Variants in SFTPA1 observed in about 807,000 individuals in gnomAD.
The protein encoded by SFTPA1 is pulmonary surfactant-associated protein A1.
SFTPA1 carries 13 observed loss-of-function variants against 19.1 expected under a neutral mutation model. The observed-to-expected ratio is 0.68, with a 90% CI of 0.44 to 1.08. The LOEUF is 1.08. Among genes scored for constraint, SFTPA1 ranks in the 50% least tolerant of loss-of-function variants. The probability of loss-of-function intolerance (pLI) is 0.00; values close to 1 mark genes in which losing one functional copy is unlikely to be tolerated. For synonymous variants in SFTPA1, 101 were observed against 117.0 expected (o/e 0.86, Z 0.88); for missense variants, 259 against 316.4 (o/e 0.82, Z 1.38).
Position 79,613,185 on chromosome 10 carries a change from A to G in SFTPA1, c.293-4A>G, listed in dbSNP as rs775948088. ...CCTCCTTCTGTGTGGGGCACTCTCC[A>G]CAGGGCTTCCAGCTCATCTAGATGA... On this transcript the variant is annotated splice_region_variant and splice_polypyrimidine_tract_variant and intron_variant, in intron 4 of 5. Coordinates refer to ENST00000398636, the MANE Select transcript of SFTPA1 (RefSeq NM_005411.5). The G allele has an allele frequency of 1.9e-5, 31 of 1,613,932 alleles. No homozygotes were observed. The highest frequency in any genetic ancestry group is 2.5e-5 in the Non-Finnish European group (30 of 1,179,992).
In SFTPA1 at chr10:79,613,995, A is replaced by G. The variant is rs772993629; in HGVS notation, c.629A>G (p.Asn210Ser). 1 of 1,614,082 alleles carries G rather than the reference A, an allele frequency of 6.2e-7. No individual in the cohort carries two copies. Among genetic ancestry groups the G allele is most frequent in the African/African-American group, 1.3e-5 (1 of 74,936 alleles). The change falls in exon 6 of 6, where the codon AAC (asparagine) becomes AGC (serine). Residue 210 changes from asparagine to serine, a missense_variant. By Grantham distance (46) the Asn-to-Ser change is conservative (BLOSUM62 1). Transcript: ENST00000398636. Reference sequence around the variant, plus strand: ...GACGGGACCCCTGTAAACTACACCAACTGGTACCGAGGGGAGCCCGCAGGT... The same window carrying G: ...GACGGGACCCCTGTAAACTACACCAGCTGGTACCGAGGGGAGCCCGCAGGT... ...YSDGTPVNYT[N>S]WYRGEPAGRG...
chr10:79,614,760 A>C lies in SFTPA1; in HGVS notation c.*647A>C. On this transcript the variant is annotated 3_prime_UTR_variant, in exon 6 of 6. Coordinates refer to ENST00000398636, the MANE Select transcript of SFTPA1 (RefSeq NM_005411.5). ...TCACTCCTTTGAGTCTTTGAATGGC[A>C]ACTCAGCCCCCTGACCTGAAGACAG... The C allele has an allele frequency of 3.0e-6, 1 of 334,518 alleles. No individual in the cohort carries two copies. The highest frequency in any genetic ancestry group is 2.7e-5 in the South Asian group (1 of 36,484). 20.7% of individuals were successfully genotyped at this position (334,518 alleles called of 1,614,324 possible).
chr10:79,615,387 C>G lies in SFTPA1; in HGVS notation c.*1274C>G, dbSNP rs1860100749. ...CCTGAAGCTTATGCTTCCAGCCACC[C>G]CACTCCTGAGCTGAATAAAGATGAT... On this transcript the variant is annotated 3_prime_UTR_variant, in exon 6 of 6. Coordinates refer to ENST00000398636, the MANE Select transcript of SFTPA1 (RefSeq NM_005411.5). 5.0e-6 allele frequency: 1 copy of G among 200,894 alleles called. No homozygotes were observed. The highest frequency in any genetic ancestry group is 1.1e-5 in the Non-Finnish European group (1 of 93,610). 12.4% of individuals were successfully genotyped at this position (200,894 alleles called of 1,614,324 possible).
Position 79,611,885 on chromosome 10 carries a change from C to G in SFTPA1, c.60C>G (p.Cys20Trp), listed in dbSNP as rs768037940. ...LILMAASGAV[C>W]EVKDVCVGSP... ...TGATGGCAGCCTCTGGTGCTGTGTG[C>G]GAAGTGAAGGACGTTTGTGTTGGAA... The change falls in exon 3 of 6, where the codon TGC becomes TGG. Residue 20 changes from cysteine (C) to tryptophan (W), a missense_variant. Cys to Trp is a radical substitution (Grantham distance 215, BLOSUM62 -2). Coordinates refer to ENST00000398636, the MANE Select transcript of SFTPA1 (RefSeq NM_005411.5). The G allele has an allele frequency of 5.0e-6, 8 of 1,613,974 alleles. No individual in the cohort carries two copies. Among genetic ancestry groups the G allele is most frequent in the East Asian group, 2.2e-5 (1 of 44,882 alleles).
chr10:79,611,612 C>T (rs1262308447), intron 2 of SFTPA1, 191 bp from the exon 3 acceptor site: 1 of 1,551,194 alleles, frequency 6.4e-7, no homozygotes, highest in East Asian at 2.4e-5. Flanking sequence ...CAGCCGGAGG[C>T]CTGAAGCATG....
In SFTPA1 at chr10:79,612,298, T is replaced by C. The variant is rs920669931; in HGVS notation, c.173-14T>C. On this transcript the variant is annotated splice_polypyrimidine_tract_variant and intron_variant, in intron 3 of 5. Transcript: ENST00000398636. ...GTGACAGATCCTACACATCCATGTC[T>C]CTTTTCTCTGCAGGCCCCATGGGTC... 10 of 1,613,750 alleles carry C rather than the reference T, an allele frequency of 6.2e-6. No individual in the cohort carries two copies. Among genetic ancestry groups the C allele is most frequent in the East Asian group, 4.5e-5 (2 of 44,866 alleles).
chr10:79,611,124 G>C (rs761557336), intron 1 of SFTPA1, 142 bp downstream of exon 1: 6 of 157,622 alleles, frequency 3.8e-5, no homozygotes, highest in Non-Finnish European at 5.6e-5. Flanking sequence ...GTGTTTCACA[G>C]CACAGTCAAC....
Position 79,614,877 on chromosome 10 carries a change from T to C in SFTPA1, c.*764T>C. ...GAACAAATCTGCACCCTACTTCAGA[T>C]TTCAGTGGGCATTCACACCACCCCC... On this transcript the variant is annotated 3_prime_UTR_variant, in exon 6 of 6. Coordinates refer to ENST00000398636, the MANE Select transcript of SFTPA1 (RefSeq NM_005411.5). 1.3e-6 allele frequency: 1 copy of C among 765,656 alleles called. No individual in the cohort carries two copies. The highest frequency in any genetic ancestry group is 1.9e-6 in the Non-Finnish European group (1 of 528,048). 47.4% of individuals were successfully genotyped at this position (765,656 alleles called of 1,614,324 possible).
In SFTPA1 at chr10:79,613,037, T is replaced by C. The variant is rs1406175152; in HGVS notation, c.293-152T>C. ...CACGGGGTGTGGAGACACACTGGAA[T>C]CTTGTGGACCCTCTGAGCCTAGGGT... On this transcript the variant is annotated intron_variant, in intron 4 of 5. Coordinates refer to ENST00000398636, the MANE Select transcript of SFTPA1 (RefSeq NM_005411.5). 5.3e-6 allele frequency: 8 copies of C among 1,504,078 alleles called. No homozygotes were observed. In the Admixed American group the frequency reaches 1.9e-4, roughly 36 times the overall value. The allele number at this position is 1,504,078 out of a possible 1,614,324, so 93.2% of individuals were successfully genotyped here.
rs757059040 is a variant in SFTPA1 at position 79,611,770 on chromosome 10, T to G, written c.-23-33T>G. On this transcript the variant is annotated intron_variant, in intron 2 of 5. Transcript: ENST00000398636. ...ACAGTGGGGGAGATGTTGGCAGAGG[T>G]GGCAGATGGGCTCACGGCCATCCCT... The G allele has an allele frequency of 3.7e-6, 6 of 1,613,676 alleles. No individual in the cohort carries two copies. In the Middle Eastern group the frequency reaches 5.0e-4, roughly 136 times the overall value.
In SFTPA1 at chr10:79,614,144, G is replaced by C. The variant is rs370875802; in HGVS notation, c.*31G>C. ...ATTTAGGCCATGGGACAGGGAGGACGCTCTCTGGCCTTCGGCCTCCATCCT... is the reference window on the plus strand; with the variant it reads ...ATTTAGGCCATGGGACAGGGAGGACCCTCTCTGGCCTTCGGCCTCCATCCT... On this transcript the variant is annotated 3_prime_UTR_variant, in exon 6 of 6. Coordinates refer to ENST00000398636, the MANE Select transcript of SFTPA1 (RefSeq NM_005411.5). 500 of 1,614,202 alleles carry C rather than the reference G, an allele frequency of 3.1e-4. 2 individuals are homozygous for C. In the African/African-American group the frequency reaches 5.7e-3, roughly 18 times the overall value.
In SFTPA1 at chr10:79,614,014, C is replaced by T. The variant is rs10351; in HGVS notation, c.648C>T (p.Pro216=). The T allele has an allele frequency of 5.8e-4, 934 of 1,613,328 alleles. 9 individuals carry two copies. The African/African-American group carries it at 7.0e-3, about 12-fold the overall frequency. ...ACACCAACTGGTACCGAGGGGAGCC[C>T]GCAGGTCGGGGAAAAGAGCAGTGTG... ...VNYTNWYRGE[P]AGRGKEQCVE... Residue 216 remains proline (P), a synonymous_variant, in exon 6 of 6, where the codon CCC becomes CCT. Coordinates refer to ENST00000398636, the MANE Select transcript of SFTPA1 (RefSeq NM_005411.5).
intron 3 of SFTPA1, 45 bp from the exon 4 acceptor site, chr10:79,612,267 T>C: frequency 6.2e-7 from 1 of 1,613,686 alleles, no homozygotes; most frequent in Non-Finnish European, 8.5e-7. Context: ...CTCCAACCAG[T>C]TGTGGGTGAC....
Position 79,612,326 on chromosome 10 carries a change from C to T in SFTPA1, c.187C>T (p.Pro63Ser). 1 of 1,613,840 alleles carries T rather than the reference C, an allele frequency of 6.2e-7. No homozygotes were observed. The highest frequency in any genetic ancestry group is 1.1e-5 in the South Asian group (1 of 91,074). ...DPGPPGPMGP[P>S]GEMPCPPGND... is the part of the protein sequence containing the mutation. ...TTTCTCTGCAGGCCCCATGGGTCCA[C>T]CTGGAGAAATGCCATGTCCTCCTGG... Residue 63 changes from proline (P) to serine (S), a missense_variant, in exon 4 of 6, where the codon CCT (proline) becomes TCT (serine). Physicochemically the swap from Pro to Ser is moderately conservative, Grantham distance 74. Transcript: ENST00000398636.
chr10:79,612,291 C>A, intron 3 of SFTPA1, 21 bp from the exon 4 acceptor site: 2 of 1,613,868 alleles, frequency 1.2e-6, no homozygotes, highest in East Asian at 2.2e-5. Context: ...TCCTACACAT[C>A]CATGTCTCTT....
At chr10:79,612,981 AG>A (rs1224101952) in intron 4 of SFTPA1, among the ~76,000 whole-genome samples, 2 of 151,892 alleles carry the variant, frequency 1.3e-5, no homozygotes, top group African/African-American at 4.8e-5. Flanking sequence ...GGGTCTCAGC[AG>A]GGGCAAGGCT....
chr10:79,613,909 C>T lies in SFTPA1; in HGVS notation c.543C>T (p.Tyr181=). The change falls in exon 6 of 6, where the codon TAC becomes TAT. Residue 181 remains tyrosine, a synonymous_variant. Coordinates refer to ENST00000398636, the MANE Select transcript of SFTPA1 (RefSeq NM_005411.5). ...NEAIASFVKK[Y]NTYAYVGLTE... is the part of the protein sequence containing the mutation. ...CCATTGCAAGCTTCGTGAAGAAGTA[C>T]AACACATATGCCTATGTAGGCCTGA... 1 of 1,613,992 alleles carries T rather than the reference C, an allele frequency of 6.2e-7. No homozygotes were observed. Among genetic ancestry groups the T allele is most frequent in the Middle Eastern group, 1.7e-4 (1 of 6,056 alleles).
rs771092097 is a variant in SFTPA1 at position 79,614,405 on chromosome 10, G to C, written c.*292G>C. On this transcript the variant is annotated 3_prime_UTR_variant, in exon 6 of 6. Transcript: ENST00000398636. ...ATGGAGCCCTCCTTATTCCCCATCT[G>C]GTCCAGTTCCTTCACTTACAGATGG... The C allele has an allele frequency of 1.3e-4, 65 of 504,762 alleles. No individual in the cohort carries two copies. The highest frequency in any genetic ancestry group is 2.2e-4 in the Non-Finnish European group (62 of 279,678). 31.3% of individuals were successfully genotyped at this position (504,762 alleles called of 1,614,324 possible).
chr10:79,611,412 TG>T, intron 2 of SFTPA1, 23 bp downstream of exon 2: 1 of 643,240 alleles, frequency 1.6e-6, no homozygotes, highest in Non-Finnish European at 2.7e-6. Context: ...ACTAATAGCC[TG>T]GGAGGGACAG....
Sources: gnomAD v4.1 joint callset for allele counts (sites outside exome capture counted in the v4.1 genomes callset) on GRCh38, gnomAD v4.1.1 for gene constraint, MANE v1.5 for transcripts, NCBI Gene and HGNC (gene_info 2026-07-23, HGNC 2026-07-21) for gene names.